Variants in DSC1 observed in about 807,000 individuals in gnomAD.
DSC1 encodes desmocollin 1, also known as desmocollin-1.
In DSC1, 79 loss-of-function variants were observed where a neutral mutation model predicts 98.8. The ratio of observed to expected loss-of-function variants is 0.80; its 90% confidence interval spans 0.67 to 0.96. The LOEUF (loss-of-function observed/expected upper bound fraction) is 0.96, where lower values mean the gene tolerates loss of function less well. DSC1 is among the 50% of genes least tolerant of loss of function. The probability of loss-of-function intolerance (pLI) is 0.00; values close to 1 mark genes in which losing one functional copy is unlikely to be tolerated. For synonymous variants in DSC1, 405 were observed against 372.1 expected (o/e 1.09, Z -1.02); for missense variants, 1,115 against 1,075.9 (o/e 1.04, Z -0.51).
Position 31,148,486 on chromosome 18 carries a change from A to G in DSC1, c.772+12T>C, listed in dbSNP as rs1332218845. The G allele has an allele frequency of 1.3e-6, 2 of 1,583,934 alleles. No individual in the cohort carries two copies. Among genetic ancestry groups the G allele is most frequent in the African/African-American group, 1.3e-5 (1 of 74,592 alleles). ...AGTCTTCTTGTCATGCTACAATAAA[A>G]TGTGAACTTACCGGATCGGCAATTT... On this transcript the variant is annotated intron_variant, in intron 6 of 15. Coordinates refer to ENST00000257198, the MANE Select transcript of DSC1 (RefSeq NM_024421.2).
chr18:31,157,543 C>A lies in DSC1; in HGVS notation c.179G>T (p.Ser60Ile), dbSNP rs1174703750. The change falls in exon 3 of 16, where the codon AGC (serine) becomes ATC (isoleucine). Residue 60 changes from serine to isoleucine, a missense_variant. Coordinates refer to ENST00000257198, the MANE Select transcript of DSC1 (RefSeq NM_024421.2). ...GGCAGGGTCACTGGACCGGATTAGG[C>A]TGGCCGACTTGAGACACTCCTCCAG... ...VNLEECLKSA[S>I]LIRSSDPAFR... The A allele has an allele frequency of 6.2e-7, 1 of 1,614,088 alleles. No homozygotes were observed. Among genetic ancestry groups the A allele is most frequent in the African/African-American group, 1.3e-5 (1 of 74,934 alleles).
intron 6 of DSC1, among the ~76,000 whole-genome samples, chr18:31,147,396 G>T (rs936329054): frequency 9.2e-5 from 14 of 152,064 alleles, no homozygotes; most frequent in Admixed American, 8.5e-4. Flanking sequence ...ATTCAGATCT[G>T]TTGTGTACTA....
intron 9 of DSC1, 47 bp from the exon 10 acceptor site, chr18:31,140,348 TAA>T (rs1264299011): frequency 3.3e-6 from 5 of 1,517,048 alleles, no homozygotes; most frequent in African/African-American, 1.4e-5. Context: ...ACATTATATA[TAA>T]GACTTCTAAT....
rs373873191 is a variant in DSC1 at position 31,131,587 on chromosome 18, A to G, written c.2487+7T>C. On this transcript the variant is annotated splice_region_variant and intron_variant, in intron 15 of 15. Transcript: ENST00000257198. ...TGTAATATGACCTCAAAGACAGTGG[A>G]ACTTACTTCGCCAAGCCGAGGTTGG... 277 of 1,613,894 alleles carry G rather than the reference A, an allele frequency of 1.7e-4. No homozygotes were observed. The highest frequency in any genetic ancestry group is 2.2e-4 in the Non-Finnish European group (262 of 1,179,914).
chr18:31,134,558 G>T lies in DSC1; in HGVS notation c.1876+14C>A, dbSNP rs765022193. On this transcript the variant is annotated intron_variant, in intron 12 of 15. Coordinates refer to ENST00000257198, the MANE Select transcript of DSC1 (RefSeq NM_024421.2). ...AAGTCCGTATTGACTATAAAATTTA[G>T]CATGATTACATACCATCCTTTTCTT... 1.9e-6 allele frequency: 3 copies of T among 1,584,702 alleles called. No homozygotes were observed. The highest frequency in any genetic ancestry group is 2.6e-6 in the Non-Finnish European group (3 of 1,160,124).
chr18:31,157,002 G>C (rs1272321316), intron 3 of DSC1, among the ~76,000 whole-genome samples: 1 of 152,196 alleles, frequency 6.6e-6, no homozygotes, highest in African/African-American at 2.4e-5. Flanking sequence ...AGTGGGAAGA[G>C]AGCCGCACAG....
chr18:31,150,309 C>T (rs796522865), intron 5 of DSC1, among the ~76,000 whole-genome samples: 1,249 of 54,150 alleles, frequency 0.023, 118 homozygotes, highest in East Asian at 0.17. Context: ...ATCATCACCA[C>T]CACTACTACC....
At chr18:31,147,561 G>A (rs536947369) in intron 6 of DSC1, among the ~76,000 whole-genome samples, 12 of 152,114 alleles carry the variant, frequency 7.9e-5, no homozygotes, top group Non-Finnish European at 1.5e-4. Flanking sequence ...ATTTAAAAAT[G>A]TTCTACATAA....
At chr18:31,140,427 C>T (rs577031454) in intron 9 of DSC1, 126 bp from the exon 10 acceptor site, 4 of 976,954 alleles carry the variant, frequency 4.1e-6, no homozygotes, top group Non-Finnish European at 5.6e-6. Context: ...AGGTCTAATA[C>T]AGTTAAAGAC....
At chr18:31,150,273 CTACCATCACCACCACCACCACTACCAT>C (rs1988949355) in intron 5 of DSC1, among the ~76,000 whole-genome samples, 1 of 125,058 alleles carries the variant, frequency 8.0e-6, no homozygotes. Flanking sequence ...ATCATCACCA[CTACCATCACCACCACCACCACTACCAT>C]CATCACCACC....
intron 11 of DSC1, among the ~76,000 whole-genome samples, chr18:31,139,214 G>T (rs916734575): frequency 6.6e-5 from 10 of 151,988 alleles, no homozygotes; most frequent in African/African-American, 2.4e-4. Flanking sequence ...TTCTAAAATT[G>T]ACCTTGGTAA....
At chr18:31,150,316 T>C (rs1271079941) in intron 5 of DSC1, among the ~76,000 whole-genome samples, 113 of 6,050 alleles carry the variant, frequency 0.019, 2 homozygotes, top group African/African-American at 0.027. Context: ...CCACCACTAC[T>C]ACCATCATCA....
At chr18:31,147,098 C>T (rs1988861617) in intron 6 of DSC1, among the ~76,000 whole-genome samples, 1 of 152,136 alleles carries the variant, frequency 6.6e-6, no homozygotes, top group Non-Finnish European at 1.5e-5. Flanking sequence ...TCTTGTTATA[C>T]CCCTTAGTAG....
intron 11 of DSC1, 43 bp from the exon 12 acceptor site, chr18:31,134,827 CATTT>C (rs1567996577): frequency 6.6e-7 from 1 of 1,521,078 alleles, no homozygotes; most frequent in African/African-American, 1.4e-5. Flanking sequence ...CATGAAAATG[CATTT>C]ATTTTCAACA....
At chr18:31,134,496 T>C (rs1988565547) in intron 12 of DSC1, 76 bp downstream of exon 12, 5 of 1,176,022 alleles carry the variant, frequency 4.3e-6, no homozygotes, top group South Asian at 1.6e-5. Context: ...GTGTATTTAT[T>C]ATGATAAACT....
chr18:31,144,930 C>CTTTTTTTTTTTTTT (rs1170980389), intron 7 of DSC1, among the ~76,000 whole-genome samples: 1 of 124,740 alleles, frequency 8.0e-6, no homozygotes, highest in African/African-American at 3.2e-5. Context: ...TCTGTATTTT[C>CTTTTTTTTTTTTTT]TTTTTCTTTC....
Position 31,143,964 on chromosome 18 carries a change from C to T in DSC1, c.940-173G>A, listed in dbSNP as rs1302024502. Among the ~76,000 whole-genome samples, 4 of 152,062 alleles carry T rather than the reference C, an allele frequency of 2.6e-5. No individual in the cohort carries two copies. In the East Asian group the frequency reaches 7.7e-4, roughly 29 times the overall value. ...TCTCACTGTCACCCAGGCTGGAGTGCAGTGGCATGATCTTGGCTCACAGCA... is the reference window on the plus strand; with the variant it reads ...TCTCACTGTCACCCAGGCTGGAGTGTAGTGGCATGATCTTGGCTCACAGCA... On this transcript the variant is annotated intron_variant, in intron 7 of 15. Transcript: ENST00000257198.
intron 13 of DSC1, among the ~76,000 whole-genome samples, chr18:31,133,299 G>A (rs1010762440): frequency 5.9e-5 from 9 of 152,168 alleles, no homozygotes; most frequent in Non-Finnish European, 8.8e-5. Flanking sequence ...TTAATTAAGC[G>A]TGGGCAATAT....
In DSC1 at chr18:31,144,611, G is replaced by C. The variant is rs571676271; in HGVS notation, c.940-820C>G. On this transcript the variant is annotated intron_variant, in intron 7 of 15. Transcript: ENST00000257198. The stretch of plus-strand genomic sequence containing the variant: ...TTGCCAGGAATTAAGAGAGAAGAAG[G>C]CATCAATAGGAGAAGCACTACAGAA... 2.0e-5 allele frequency among the ~76,000 whole-genome samples: 3 copies of C among 152,274 alleles called. No homozygotes were observed. The East Asian group carries it at 5.8e-4, about 29-fold the overall frequency.
Sources: gnomAD v4.1 joint callset for allele counts (sites outside exome capture counted in the v4.1 genomes callset) on GRCh38, gnomAD v4.1.1 for gene constraint, MANE v1.5 for transcripts, NCBI Gene and HGNC (gene_info 2026-07-23, HGNC 2026-07-21) for gene names.